The following ITPR2 variants were observed in gnomAD, a reference collection of about 807,000 sequenced individuals.
The protein encoded by ITPR2 is inositol 1,4,5-trisphosphate receptor type 2.
ITPR2 carries 207 observed loss-of-function variants against 317.1 expected under a neutral mutation model. That is an observed-to-expected ratio of 0.65 (90% CI 0.58 to 0.73). The LOEUF (loss-of-function observed/expected upper bound fraction) is 0.73. Among genes scored for constraint, ITPR2 ranks in the 30% least tolerant of loss-of-function variants. The pLI is 0.00. For synonymous variants in ITPR2, 1,156 were observed against 1,149.1 expected, an observed-to-expected ratio of 1.01 and a Z score of -0.12; for missense variants, 2,613 against 3,284.0, an observed-to-expected ratio of 0.80 and a Z score of 4.99.
Position 26,654,023 on chromosome 12 carries a change from G to A in ITPR2, c.2693C>T (p.Ala898Val). ...TLLAILDIVQAPMSSYFERLS... is the reference protein window; with the variant it reads ...TLLAILDIVQVPMSSYFERLS... ...TCTTTCAAAGTATGATGACATGGGG[G>A]CCTGTACAATGTCTAAAATAGCCAG... is the stretch of plus-strand genomic sequence containing the variant. Residue 898 changes from alanine (A) to valine (V), a missense_variant, in exon 21 of 57, where the codon GCC becomes GTC. Physicochemically the swap from Ala to Val is moderately conservative, Grantham distance 64. Around this residue, in one of 9 missense-constraint regions of ITPR2, gnomAD observed 817 missense variants for 897.6 expected, o/e 0.91. Transcript: ENST00000381340. The A allele has an allele frequency of 6.2e-7, 1 of 1,607,718 alleles. No homozygotes were observed.
At chr12:26,699,651 T>G (rs372053377) in intron 9 of ITPR2, among the ~76,000 whole-genome samples, 3 of 151,860 alleles carry the variant, frequency 2.0e-5, no homozygotes, top group African/African-American at 4.8e-5. Flanking sequence ...AATAATGATG[T>G]GGAAGAAAAG....
At chr12:26,394,589 A>G (rs1444813713) in intron 54 of ITPR2, among the ~76,000 whole-genome samples, 1 of 152,164 alleles carries the variant, frequency 6.6e-6, no homozygotes, top group Non-Finnish European at 1.5e-5. Flanking sequence ...ACAGGGGAGA[A>G]GGTAGGCAAA....
intron 52 of ITPR2, among the ~76,000 whole-genome samples, chr12:26,407,103 C>T (rs1332436388): frequency 6.6e-6 from 1 of 152,158 alleles, no homozygotes; most frequent in Non-Finnish European, 1.5e-5. Flanking sequence ...TCCACCTCTT[C>T]CCCCAACTCC....
chr12:26,767,274 A>G (rs1237717231), intron 2 of ITPR2, among the ~76,000 whole-genome samples: 1 of 152,196 alleles, frequency 6.6e-6, no homozygotes, highest in East Asian at 1.9e-4. Context: ...CTGGCTGCCA[A>G]TGCCCACCTC....
At chr12:26,420,960 T>C (rs1940872098) in intron 49 of ITPR2, among the ~76,000 whole-genome samples, 1 of 152,110 alleles carries the variant, frequency 6.6e-6, no homozygotes, top group Admixed American at 6.6e-5. Flanking sequence ...CAATATGAAT[T>C]AGAAATAAGT....
intron 25 of ITPR2, 104 bp from the exon 26 acceptor site, chr12:26,621,400 G>T: frequency 1.3e-6 from 1 of 746,612 alleles, no homozygotes; most frequent in South Asian, 2.5e-5. Context: ...AGAAGTAAGT[G>T]TGAACACTTA....
intron 2 of ITPR2, among the ~76,000 whole-genome samples, chr12:26,735,433 A>G (rs1040414283): frequency 1.3e-5 from 2 of 152,096 alleles, no homozygotes; most frequent in African/African-American, 4.8e-5. Context: ...AATGGGAAGG[A>G]AAAGAGTAAG....
chr12:26,593,739 T>G lies in ITPR2; in HGVS notation c.4380+1726A>C, dbSNP rs79880763. On this transcript the variant is annotated intron_variant, in intron 32 of 56. Coordinates refer to ENST00000381340, the MANE Select transcript of ITPR2 (RefSeq NM_002223.4). ...GTTAAAATCATTGCTATTTTTTTGT[T>G]TTTTTTTTTGTGTTTTTCAAAAAAA... is the stretch of plus-strand genomic sequence containing the variant. 1.2e-4 allele frequency among the ~76,000 whole-genome samples: 18 copies of G among 147,638 alleles called. 1 individual carries two copies. Among genetic ancestry groups the G allele is most frequent in the Middle Eastern group, 3.5e-3 (1 of 286 alleles).
intron 1 of ITPR2, among the ~76,000 whole-genome samples, chr12:26,813,333 T>C (rs1248489909): frequency 6.6e-6 from 1 of 152,230 alleles, no homozygotes; most frequent in East Asian, 1.9e-4. Flanking sequence ...TAATTCATGC[T>C]TGTTGTGTAC....
At chr12:26,764,462 G>A (rs1404390862) in intron 2 of ITPR2, among the ~76,000 whole-genome samples, 1 of 151,954 alleles carries the variant, frequency 6.6e-6, no homozygotes, top group African/African-American at 2.4e-5. Context: ...ACCTGATAAA[G>A]GCTATGTCTT....
intron 9 of ITPR2, among the ~76,000 whole-genome samples, chr12:26,696,075 C>A (rs868820261): frequency 1.3e-5 from 2 of 152,016 alleles, no homozygotes; most frequent in Non-Finnish European, 2.9e-5. Flanking sequence ...AAAAGAAAAA[C>A]AAAACAGAGC....
At chr12:26,381,320 CA>C (rs1405588090) in intron 55 of ITPR2, among the ~76,000 whole-genome samples, 1 of 152,118 alleles carries the variant, frequency 6.6e-6, no homozygotes, top group Non-Finnish European at 1.5e-5. Context: ...AAATTATGTC[CA>C]ACTCCCAGAG....
chr12:26,730,292 G>A (rs1416810596), intron 2 of ITPR2, among the ~76,000 whole-genome samples: 1 of 152,122 alleles, frequency 6.6e-6, no homozygotes, highest in African/African-American at 2.4e-5. Context: ...CAGTGTGCAG[G>A]ATTACAGCTA....
At chr12:26,501,129 A>G (rs7312809) in intron 37 of ITPR2, among the ~76,000 whole-genome samples, 80,201 of 151,932 alleles carry the variant, frequency 0.53, 21,990 homozygotes, top group South Asian at 0.65. Context: ...ATGATAAGCT[A>G]CCAATCAGCT....
intron 55 of ITPR2, among the ~76,000 whole-genome samples, chr12:26,359,810 G>C (rs1323173654): frequency 6.6e-6 from 1 of 152,038 alleles, no homozygotes; most frequent in Non-Finnish European, 1.5e-5. Context: ...GCGTCACCCG[G>C]ATGTGAGTTT....
At chr12:26,485,081 T>A (rs1374884463) in intron 41 of ITPR2, among the ~76,000 whole-genome samples, 1 of 148,798 alleles carries the variant, frequency 6.7e-6, no homozygotes, top group Admixed American at 6.6e-5. Context: ...TATGCATGCA[T>A]AAAAATTTCT....
chr12:26,495,253 G>C lies in ITPR2; in HGVS notation c.5081C>G (p.Thr1694Arg), dbSNP rs756822940. ...KKDSFVEEGN[T>R]LRKILLNRYF... ...TCGATTCAGAAGTATCTTTCTTAAT[G>C]TGTTACCCTAATAAGAAGGATAACA... The change falls in exon 38 of 57, where the codon ACA (threonine) becomes AGA (arginine). Residue 1694 changes from threonine (T) to arginine (R), a missense_variant. Coordinates refer to ENST00000381340, the MANE Select transcript of ITPR2 (RefSeq NM_002223.4). 1.3e-6 allele frequency: 2 copies of C among 1,528,254 alleles called. No individual in the cohort carries two copies. The highest frequency in any genetic ancestry group is 1.8e-6 in the Non-Finnish European group (2 of 1,104,596). The allele number at this position is 1,528,254 out of a possible 1,614,324, so 94.7% of individuals were successfully genotyped here. A position where few individuals can be genotyped will look rare whatever the true frequency, so the allele number is the denominator to read the frequency against.
At chr12:26,575,438 CAGA>C (rs1249768646) in intron 34 of ITPR2, among the ~76,000 whole-genome samples, 1 of 151,684 alleles carries the variant, frequency 6.6e-6, no homozygotes, top group Non-Finnish European at 1.5e-5. Context: ...AGAACAAATG[CAGA>C]AGGAGAGTGG....
chr12:26,642,172 C>T (rs1224903587), intron 21 of ITPR2, among the ~76,000 whole-genome samples: 1 of 152,012 alleles, frequency 6.6e-6, no homozygotes. Context: ...AAGCTTCTAG[C>T]CATTGTTTTC....
Sources: gnomAD v4.1 joint callset for allele counts (sites outside exome capture counted in the v4.1 genomes callset) on GRCh38, gnomAD v4.1.1 for gene constraint, gnomAD v4.1.1 regional missense constraint, MANE v1.5 for transcripts, NCBI Gene and HGNC (gene_info 2026-07-23, HGNC 2026-07-21) for gene names.